Variants in SULF1 observed in about 807,000 individuals in gnomAD.
The protein encoded by SULF1 is extracellular sulfatase Sulf-1.
SULF1 carries 46 observed loss-of-function variants against 110.5 expected under a neutral mutation model. The observed-to-expected ratio is 0.42, with a 90% CI of 0.33 to 0.53. The LOEUF is 0.53. Ranked by LOEUF, SULF1 falls within the 20% of genes least tolerant of loss-of-function variation. The pLI, the probability that SULF1 is intolerant of heterozygous loss-of-function variation, is 0.12. For synonymous variants in SULF1, 371 were observed against 387.1 expected, an observed-to-expected ratio of 0.96 and a Z score of 0.49; for missense variants, 941 against 1,094.2, an observed-to-expected ratio of 0.86 and a Z score of 1.98.
intron 3 of SULF1, among the ~76,000 whole-genome samples, chr8:69,535,925 G>A (rs893513406): frequency 2.6e-5 from 4 of 151,984 alleles, no homozygotes. Context: ...GACTGAGGCA[G>A]GAGAATTGTT....
chr8:69,505,750 G>A (rs937899101), intron 3 of SULF1, among the ~76,000 whole-genome samples: 3 of 152,062 alleles, frequency 2.0e-5, no homozygotes, highest in African/African-American at 7.2e-5. Flanking sequence ...ATTTGGGGGT[G>A]CTAAAAAGTA....
At chr8:69,520,730 G>A (rs1173851417) in intron 3 of SULF1, among the ~76,000 whole-genome samples, 2 of 152,262 alleles carry the variant, frequency 1.3e-5, no homozygotes, top group East Asian at 3.9e-4. Flanking sequence ...GTTCCACCTG[G>A]TTTGGGGTTG....
chr8:69,470,115 C>T (rs551343816), intron 1 of SULF1, among the ~76,000 whole-genome samples: 3 of 152,294 alleles, frequency 2.0e-5, no homozygotes, highest in South Asian at 4.1e-4. Context: ...CCCCAACCAT[C>T]GCCACATAGA....
At chr8:69,651,627 A>G (rs1370840771) in intron 22 of SULF1, among the ~76,000 whole-genome samples, 1 of 152,152 alleles carries the variant, frequency 6.6e-6, no homozygotes, top group East Asian at 1.9e-4. Flanking sequence ...TCAGATAATT[A>G]TTCTCTTTAG....
chr8:69,635,469 T>C (rs1273552274), intron 19 of SULF1, among the ~76,000 whole-genome samples: 1 of 152,238 alleles, frequency 6.6e-6, no homozygotes, highest in East Asian at 1.9e-4. Flanking sequence ...TCTATTAAAA[T>C]AATTTTTTAA....
At chr8:69,651,817 CTTTT>C (rs1173604242) in intron 22 of SULF1, among the ~76,000 whole-genome samples, 1 of 151,880 alleles carries the variant, frequency 6.6e-6, no homozygotes, top group African/African-American at 2.4e-5. Context: ...CTGTGATTTC[CTTTT>C]TGTTTTTACC....
chr8:69,601,509 T>C (rs1189916321), intron 9 of SULF1, 145 bp from the exon 10 acceptor site: 12 of 639,650 alleles, frequency 1.9e-5, no homozygotes, highest in Non-Finnish European at 2.9e-5. Flanking sequence ...TGTAAGCAAA[T>C]AGAAAATGTG....
rs1815684920 is a variant in SULF1, at chr8:69,563,917, A to G, written c.-59A>G. 1 of 1,564,534 alleles carries G rather than the reference A, an allele frequency of 6.4e-7. No homozygotes were observed. The highest frequency in any genetic ancestry group is 1.7e-5 in the Admixed American group (1 of 59,212). On this transcript the variant is annotated splice_region_variant and 5_prime_UTR_variant, in exon 5 of 23. Transcript: ENST00000402687. ...CTCCGTTTTTCTCTGACTGCCCAGA[A>G]CTCCAGAAATCAGGAGACGGAGACA...
chr8:69,637,123 C>A (rs1811101019), intron 19 of SULF1, among the ~76,000 whole-genome samples: 1 of 152,228 alleles, frequency 6.6e-6, no homozygotes, highest in Non-Finnish European at 1.5e-5. Context: ...AAGGCACCCA[C>A]TTACCGAGCT....
At chr8:69,522,348 G>A (rs1812368526) in intron 3 of SULF1, among the ~76,000 whole-genome samples, 1 of 152,108 alleles carries the variant, frequency 6.6e-6, no homozygotes, top group South Asian at 2.1e-4. Context: ...CTCAGCCAAA[G>A]ACGAATTCAA....
intron 22 of SULF1, among the ~76,000 whole-genome samples, chr8:69,641,785 G>C (rs1811495792): frequency 6.6e-6 from 1 of 151,932 alleles, no homozygotes; most frequent in African/African-American, 2.4e-5. Flanking sequence ...ACACTCAATA[G>C]TGTCAACACA....
At chr8:69,511,687 A>G (rs1417249520) in intron 3 of SULF1, among the ~76,000 whole-genome samples, 1 of 152,232 alleles carries the variant, frequency 6.6e-6, no homozygotes, top group East Asian at 1.9e-4. Flanking sequence ...TGCATTTGTT[A>G]CAATTGAGGA....
At chr8:69,622,179 G>A (rs1298579256) in intron 14 of SULF1, among the ~76,000 whole-genome samples, 1 of 152,174 alleles carries the variant, frequency 6.6e-6, no homozygotes, top group Non-Finnish European at 1.5e-5. Context: ...AATTTTAAAG[G>A]AATCCGTAAG....
At chr8:69,593,614 A>G (rs1807066757) in intron 8 of SULF1, among the ~76,000 whole-genome samples, 1 of 152,172 alleles carries the variant, frequency 6.6e-6, no homozygotes, top group Admixed American at 6.5e-5. Context: ...TAGCTTTACA[A>G]ACGGATGGTA....
At position 69,495,831 on chromosome 8, in the gene SULF1, C is replaced by T. The variant is rs1475385603; in HGVS notation, c.-324C>T. ...TAACACAAAGGAAGTAATTTCTTAC[C>T]TGGTCATTATTTAGTCTACAATAAG... On this transcript the variant is annotated 5_prime_UTR_variant, in exon 2 of 23. Coordinates refer to ENST00000402687, the MANE Select transcript of SULF1 (RefSeq NM_001128205.2). 2.0e-5 allele frequency: 3 copies of T among 152,244 alleles called. No individual in the cohort carries two copies. The East Asian group carries it at 5.8e-4, about 29-fold the overall frequency. 9.4% of individuals were successfully genotyped at this position (152,244 alleles called of 1,614,324 possible).
At chr8:69,510,346 G>C (rs1391517727) in intron 3 of SULF1, among the ~76,000 whole-genome samples, 3 of 152,114 alleles carry the variant, frequency 2.0e-5, no homozygotes, top group Non-Finnish European at 4.4e-5. Context: ...GCCAGGGTTT[G>C]AATTTCCACT....
At chr8:69,521,498 A>G (rs550830050) in intron 3 of SULF1, among the ~76,000 whole-genome samples, 1 of 152,300 alleles carries the variant, frequency 6.6e-6, no homozygotes, top group South Asian at 2.1e-4. Context: ...GGAGTGAGGA[A>G]GTAGCAACCA....
At chr8:69,510,253 A>C (rs1448690815) in intron 3 of SULF1, among the ~76,000 whole-genome samples, 1 of 152,186 alleles carries the variant, frequency 6.6e-6, no homozygotes, top group Non-Finnish European at 1.5e-5. Flanking sequence ...TCAAAATGGG[A>C]AGCTCTTTCT....
chr8:69,576,246 A>C, intron 6 of SULF1, 37 bp downstream of exon 6: 1 of 1,598,880 alleles, frequency 6.3e-7, no homozygotes, highest in Non-Finnish European at 8.5e-7. Context: ...AACGTCTTGT[A>C]ATATGTCTTA....
Sources: gnomAD v4.1 joint callset for allele counts (sites outside exome capture counted in the v4.1 genomes callset) on GRCh38, gnomAD v4.1.1 for gene constraint, MANE v1.5 for transcripts, NCBI Gene and HGNC (gene_info 2026-07-23, HGNC 2026-07-21) for gene names.